Variants in BMPR1B observed in about 807,000 individuals in gnomAD.
BMPR1B encodes the protein bone morphogenetic protein receptor type-1B.
BMPR1B carries 12 observed loss-of-function variants against 59.1 expected under a neutral mutation model. The ratio of observed to expected loss-of-function variants is 0.20; its 90% CI spans 0.13 to 0.33. The LOEUF (loss-of-function observed/expected upper bound fraction) is 0.33. BMPR1B is among the 10% of genes least tolerant of loss of function. BMPR1B has a pLI of 1.00. For missense variants in BMPR1B, 550 were observed against 610.9 expected, an observed-to-expected ratio of 0.90 and a Z score of 1.05; for synonymous variants, 237 against 207.3, an observed-to-expected ratio of 1.14 and a Z score of -1.23.
chr4:94,968,062 G>C (rs1342909789), intron 2 of BMPR1B, among the ~76,000 whole-genome samples: 11 of 152,130 alleles, frequency 7.2e-5, no homozygotes, highest in Admixed American at 7.2e-4. Flanking sequence ...TATAAACTAT[G>C]CTTGTAACTT....
chr4:94,936,160 G>A (rs147518583), intron 2 of BMPR1B, among the ~76,000 whole-genome samples: 251 of 152,238 alleles, frequency 1.6e-3, no homozygotes, highest in African/African-American at 5.6e-3. Context: ...ATGCTGTGGA[G>A]CTCTAAATCA....
intron 2 of BMPR1B, among the ~76,000 whole-genome samples, chr4:94,946,443 G>A (rs772112529): frequency 1.3e-5 from 2 of 152,046 alleles, no homozygotes; most frequent in African/African-American, 2.4e-5. Flanking sequence ...GGATTTTATG[G>A]GTGAAACATC....
At chr4:95,054,489 G>A (rs544580526) in intron 3 of BMPR1B, among the ~76,000 whole-genome samples, 1 of 152,188 alleles carries the variant, frequency 6.6e-6, no homozygotes, top group East Asian at 1.9e-4. Context: ...AGGGAAATGG[G>A]GAATTGCCTT....
At chr4:94,793,202 A>G (rs566605979) in intron 1 of BMPR1B, among the ~76,000 whole-genome samples, 2 of 150,646 alleles carry the variant, frequency 1.3e-5, no homozygotes, top group South Asian at 4.2e-4. Context: ...AGAGTGTGAT[A>G]TTCCCCTTCC....
intron 1 of BMPR1B, among the ~76,000 whole-genome samples, chr4:94,843,647 TTAGTC>T (rs1725188860): frequency 6.7e-6 from 1 of 148,400 alleles, no homozygotes; most frequent in Non-Finnish European, 1.5e-5. Flanking sequence ...TTGTATGTGT[TTAGTC>T]TATTCAATGA....
intron 1 of BMPR1B, among the ~76,000 whole-genome samples, chr4:94,808,859 A>G (rs1385753766): frequency 6.6e-6 from 1 of 152,202 alleles, no homozygotes; most frequent in African/African-American, 2.4e-5. Flanking sequence ...GTTTGAGACC[A>G]GCTCGGCCAA....
intron 2 of BMPR1B, among the ~76,000 whole-genome samples, chr4:94,932,439 A>C (rs191904806): frequency 6.6e-6 from 1 of 152,174 alleles, no homozygotes; most frequent in Non-Finnish European, 1.5e-5. Context: ...GAAACACTTT[A>C]AAAAAGTTGG....
chr4:94,768,402 A>G (rs924414259), intron 1 of BMPR1B, among the ~76,000 whole-genome samples: 1 of 152,092 alleles, frequency 6.6e-6, no homozygotes, highest in Non-Finnish European at 1.5e-5. Flanking sequence ...TTTATTTACC[A>G]CAATCCGACT....
At chr4:95,066,480 G>T (rs1727812519) in intron 3 of BMPR1B, among the ~76,000 whole-genome samples, 1 of 152,188 alleles carries the variant, frequency 6.6e-6, no homozygotes, top group African/African-American at 2.4e-5. Context: ...TTCAAATACA[G>T]TTGGAAATGC....
At chr4:94,921,082 T>A (rs1274951132) in intron 2 of BMPR1B, among the ~76,000 whole-genome samples, 1 of 152,140 alleles carries the variant, frequency 6.6e-6, no homozygotes, top group Non-Finnish European at 1.5e-5. Flanking sequence ...AGAGCTGTAG[T>A]GGTAGCATTA....
intron 3 of BMPR1B, among the ~76,000 whole-genome samples, chr4:95,031,612 C>T (rs1431957836): frequency 6.6e-6 from 1 of 152,064 alleles, no homozygotes; most frequent in Admixed American, 6.6e-5. Context: ...GGACACAACA[C>T]CATGCCTAGC....
chr4:95,016,073 A>G (rs1266099582), intron 3 of BMPR1B, among the ~76,000 whole-genome samples: 1 of 122,202 alleles, frequency 8.2e-6, no homozygotes, highest in East Asian at 3.9e-4. Context: ...TTTTGTCAAA[A>G]TGAGTGAAGT....
chr4:95,126,392 A>G (rs1732905424), intron 8 of BMPR1B, among the ~76,000 whole-genome samples: 1 of 152,236 alleles, frequency 6.6e-6, no homozygotes, highest in Admixed American at 6.5e-5. Context: ...CTCACATCAT[A>G]TAATGATTAA....
chr4:95,002,227 T>A (rs916846963), intron 3 of BMPR1B, among the ~76,000 whole-genome samples: 1 of 152,218 alleles, frequency 6.6e-6, no homozygotes, highest in Non-Finnish European at 1.5e-5. Flanking sequence ...TAAGTGAGAA[T>A]ACACAGTATT....
At chr4:95,047,174 G>C (rs1560615769) in intron 3 of BMPR1B, among the ~76,000 whole-genome samples, 1 of 152,192 alleles carries the variant, frequency 6.6e-6, no homozygotes, top group Non-Finnish European at 1.5e-5. Flanking sequence ...GGCTGTATAT[G>C]TGTCACAGCT....
chr4:94,953,022 T>G (rs1414086524), intron 2 of BMPR1B, among the ~76,000 whole-genome samples: 2 of 152,220 alleles, frequency 1.3e-5, no homozygotes, highest in Non-Finnish European at 2.9e-5. Context: ...AATGACCTTC[T>G]TTGTCTCTTT....
intron 1 of BMPR1B, among the ~76,000 whole-genome samples, chr4:94,832,252 A>T (rs1168071229): frequency 6.6e-6 from 1 of 152,186 alleles, no homozygotes. Context: ...GCCTGGGAGC[A>T]ATAGGCTATA....
At chr4:94,928,800 T>C (rs980687196) in intron 2 of BMPR1B, among the ~76,000 whole-genome samples, 1 of 152,118 alleles carries the variant, frequency 6.6e-6, no homozygotes, top group African/African-American at 2.4e-5. Context: ...AATAATCAAC[T>C]GAGCAATTAA....
intron 6 of BMPR1B, among the ~76,000 whole-genome samples, chr4:95,119,939 G>A (rs1338864699): frequency 6.6e-6 from 1 of 151,922 alleles, no homozygotes; most frequent in Non-Finnish European, 1.5e-5. Context: ...TACTTACAAG[G>A]GGTACATGTG....
Sources: gnomAD v4.1 joint callset for allele counts (sites outside exome capture counted in the v4.1 genomes callset) on GRCh38, gnomAD v4.1.1 for gene constraint, MANE v1.5 for transcripts, NCBI Gene and HGNC (gene_info 2026-07-23, HGNC 2026-07-21) for gene names.